Variants in PTPRG observed in about 807,000 individuals in gnomAD.
PTPRG encodes the protein receptor-type tyrosine-protein phosphatase gamma.
A neutral mutation model predicts 165.3 loss-of-function variants in PTPRG; 102 were observed. That is an observed-to-expected ratio of 0.62 (90% CI 0.53 to 0.73). PTPRG has a LOEUF of 0.73. PTPRG is among the 30% of genes least tolerant of loss of function. PTPRG has a pLI of 0.00. For missense variants in PTPRG, 1,866 were observed against 1,861.4 expected (o/e 1.00, Z -0.05); for synonymous variants, 675 against 669.5 (o/e 1.01, Z -0.13).
intron 1 of PTPRG, among the ~76,000 whole-genome samples, chr3:61,618,759 C>G (rs1397140092): frequency 6.6e-6 from 1 of 152,010 alleles, no homozygotes; most frequent in East Asian, 1.9e-4. Flanking sequence ...CAGAGACTTT[C>G]TGTTGATGAG....
At chr3:61,863,640 C>T (rs549219064) in intron 2 of PTPRG, among the ~76,000 whole-genome samples, 5 of 152,288 alleles carry the variant, frequency 3.3e-5, no homozygotes, top group Non-Finnish European at 7.4e-5. Flanking sequence ...CAGTGTGGGC[C>T]TCAGGAGCCC....
In PTPRG at chr3:62,167,965, G is replaced by A; in HGVS notation, c.841-6G>A. On this transcript the variant is annotated splice_polypyrimidine_tract_variant and splice_region_variant and intron_variant, in intron 7 of 29. Coordinates refer to ENST00000474889, the MANE Select transcript of PTPRG (RefSeq NM_002841.4). Reference sequence around the variant, plus strand: ...TTCCCCCTCCCCTCTCTGGTCCTCTGTTCAGCTTGAGGCTTTTTATTCCAT... The same window carrying A: ...TTCCCCCTCCCCTCTCTGGTCCTCTATTCAGCTTGAGGCTTTTTATTCCAT... 6.2e-7 allele frequency: 1 copy of A among 1,608,692 alleles called. No homozygotes were observed. Among genetic ancestry groups the A allele is most frequent in the Non-Finnish European group, 8.5e-7 (1 of 1,176,404 alleles).
At chr3:61,698,768 G>A (rs2030760213) in intron 1 of PTPRG, among the ~76,000 whole-genome samples, 1 of 152,058 alleles carries the variant, frequency 6.6e-6, no homozygotes, top group African/African-American at 2.4e-5. Flanking sequence ...ACCATAGCAT[G>A]TTAACATAAA....
chr3:62,234,668 G>C (rs1374228235), intron 14 of PTPRG, among the ~76,000 whole-genome samples: 2 of 151,966 alleles, frequency 1.3e-5, no homozygotes, highest in African/African-American at 2.4e-5. Context: ...CTAATGAAGA[G>C]AGATAATCCC....
intron 6 of PTPRG, among the ~76,000 whole-genome samples, chr3:62,152,736 A>T (rs1704380688): frequency 6.6e-6 from 1 of 152,284 alleles, no homozygotes; most frequent in South Asian, 2.1e-4. Context: ...ATGCATTGTC[A>T]TTTACTAATG....
chr3:62,154,351 C>T (rs1453930075), intron 6 of PTPRG, among the ~76,000 whole-genome samples: 1 of 152,130 alleles, frequency 6.6e-6, no homozygotes, highest in African/African-American at 2.4e-5. Flanking sequence ...GTCTACCCAC[C>T]TCGCCACCGA....
rs1352384648 is a variant in PTPRG, at chr3:62,168,175, T to G, written c.1033+12T>G. On this transcript the variant is annotated intron_variant, in intron 8 of 29. Transcript: ENST00000474889. ...AGAAGCCTCTAAAGGTATATTTGGC[T>G]TAAGTGCCTTGCCCAGAGGAAGATT... 6 of 1,597,350 alleles carry G rather than the reference T, an allele frequency of 3.8e-6. No homozygotes were observed. Among genetic ancestry groups the G allele is most frequent in the Non-Finnish European group, 5.1e-6 (6 of 1,171,230 alleles).
intron 2 of PTPRG, among the ~76,000 whole-genome samples, chr3:61,806,708 C>G (rs1304227780): frequency 1.3e-5 from 2 of 152,124 alleles, no homozygotes; most frequent in Non-Finnish European, 2.9e-5. Flanking sequence ...GGGCCCATGG[C>G]TGAATTACAG....
At chr3:61,870,558 AT>A (rs71100986) in intron 2 of PTPRG, among the ~76,000 whole-genome samples, 22,072 of 48,244 alleles carry the variant, frequency 0.46, 5,468 homozygotes, top group East Asian at 0.67. Context: ...GTAGAGATGG[AT>A]TTTTTTTTTT....
intron 6 of PTPRG, among the ~76,000 whole-genome samples, chr3:62,145,395 T>C (rs1466550617): frequency 1.3e-5 from 2 of 152,176 alleles, no homozygotes; most frequent in Middle Eastern, 3.2e-3. Flanking sequence ...TTATTGTTAC[T>C]TGTGGACTTG....
chr3:61,892,463 C>G (rs757095798), intron 2 of PTPRG, among the ~76,000 whole-genome samples: 11 of 152,314 alleles, frequency 7.2e-5, no homozygotes, highest in Admixed American at 6.5e-5. Flanking sequence ...GATCCTCTCA[C>G]TTCAGCCTCC....
intron 2 of PTPRG, among the ~76,000 whole-genome samples, chr3:61,905,681 C>A (rs2038629065): frequency 6.6e-6 from 1 of 152,160 alleles, no homozygotes; most frequent in African/African-American, 2.4e-5. Flanking sequence ...TGAAGTCAAA[C>A]CAAGCAGGTT....
At chr3:61,989,125 T>G (rs555368897) in intron 2 of PTPRG, among the ~76,000 whole-genome samples, 6 of 152,306 alleles carry the variant, frequency 3.9e-5, no homozygotes, top group Admixed American at 1.3e-4. Flanking sequence ...AAAACCTGCC[T>G]TTATTGCCTC....
At chr3:61,851,462 A>G (rs1318527397) in intron 2 of PTPRG, among the ~76,000 whole-genome samples, 2 of 151,944 alleles carry the variant, frequency 1.3e-5, no homozygotes, top group Admixed American at 6.5e-5. Flanking sequence ...AAAATATACA[A>G]TACTAGCTGC....
chr3:61,637,972 G>A lies in PTPRG; in HGVS notation c.85+75600G>A, dbSNP rs563536377. 5.3e-5 allele frequency among the ~76,000 whole-genome samples: 8 copies of A among 152,166 alleles called. No homozygotes were observed. In the South Asian group the frequency reaches 1.5e-3, roughly 28 times the overall value. ...TGTGTGTAATCTTAGCATGATAATC[G>A]GATTCCACTTATCACTTGGAACTGT... On this transcript the variant is annotated intron_variant, in intron 1 of 29. Coordinates refer to ENST00000474889, the MANE Select transcript of PTPRG (RefSeq NM_002841.4).
intron 4 of PTPRG, among the ~76,000 whole-genome samples, chr3:62,040,222 A>C (rs1239560035): frequency 6.6e-6 from 1 of 152,218 alleles, no homozygotes; most frequent in African/African-American, 2.4e-5. Context: ...ACCAAAGTAC[A>C]TTCCAAGTTT....
chr3:61,842,337 A>G (rs561388404), intron 2 of PTPRG, among the ~76,000 whole-genome samples: 16 of 152,294 alleles, frequency 1.1e-4, no homozygotes, highest in African/African-American at 3.8e-4. Flanking sequence ...CACTACACAC[A>G]AACACATTTA....
chr3:61,745,269 G>C (rs766152850), intron 1 of PTPRG, among the ~76,000 whole-genome samples: 10 of 152,060 alleles, frequency 6.6e-5, no homozygotes, highest in Middle Eastern at 3.4e-3. Context: ...GGATGGTCTC[G>C]ATCTCTTGAC....
Position 62,147,930 on chromosome 3 carries a change from C to T in PTPRG, c.683-9137C>T, listed in dbSNP as rs186215790. ...TAACACTTTGGGAGGCTGAGCCAGG[C>T]GGCAGGAGTTCAAGACCAGCCTGGC... is the stretch of plus-strand genomic sequence containing the variant. On this transcript the variant is annotated intron_variant, in intron 6 of 29. Transcript: ENST00000474889. Among the ~76,000 whole-genome samples the T allele has an allele frequency of 3.0e-3, 463 of 152,062 alleles. 3 individuals carry two copies. The highest frequency in any genetic ancestry group is 0.01 in the African/African-American group (431 of 41,516).
Sources: allele counts gnomAD v4.1 joint callset (sites outside exome capture counted in the v4.1 genomes callset), GRCh38; gene constraint gnomAD v4.1.1; transcripts MANE v1.5; gene names NCBI Gene and HGNC (gene_info 2026-07-23, HGNC 2026-07-21).